ADCK1: variants seen among roughly 807,000 people sequenced by gnomAD.
The protein encoded by ADCK1 is aarF domain containing kinase 1.
ADCK1 carries 41 observed loss-of-function variants against 52.3 expected under a neutral mutation model. That is an observed-to-expected ratio of 0.78 (90% confidence interval 0.61 to 1.02). ADCK1 has a LOEUF of 1.02. Ranked by LOEUF, ADCK1 falls within the 50% of genes least tolerant of loss-of-function variation. The pLI, the probability that ADCK1 is intolerant of heterozygous loss-of-function variation, is 0.00. For missense variants in ADCK1, 658 were observed against 679.5 expected, an observed-to-expected ratio of 0.97 and a Z score of 0.35; for synonymous variants, 250 against 274.6, an observed-to-expected ratio of 0.91 and a Z score of 0.89.
At chr14:77,854,033 G>A (rs1413464225) in intron 3 of ADCK1, among the ~76,000 whole-genome samples, 1 of 152,172 alleles carries the variant, frequency 6.6e-6, no homozygotes, top group African/African-American at 2.4e-5. Context: ...CTTGCCTAAT[G>A]TCAAGTGTCT....
chr14:77,835,038 G>T (rs2081933015), intron 3 of ADCK1, among the ~76,000 whole-genome samples: 1 of 152,190 alleles, frequency 6.6e-6, no homozygotes, highest in Non-Finnish European at 1.5e-5. Flanking sequence ...CTTCGGAGCT[G>T]TTTCCACCTC....
chr14:77,894,368 A>G (rs1268293307), intron 5 of ADCK1, among the ~76,000 whole-genome samples: 3 of 152,100 alleles, frequency 2.0e-5, no homozygotes, highest in Non-Finnish European at 4.4e-5. Context: ...ATGGAACATT[A>G]TTTCTTTTAT....
chr14:77,899,508 A>G (rs1364497973), intron 6 of ADCK1, among the ~76,000 whole-genome samples: 1 of 152,270 alleles, frequency 6.6e-6, no homozygotes, highest in Non-Finnish European at 1.5e-5. Context: ...ATCGACAACT[A>G]CAAGACACTG....
chr14:77,812,340 G>A (rs953423788), intron 1 of ADCK1, among the ~76,000 whole-genome samples: 17 of 152,118 alleles, frequency 1.1e-4, no homozygotes, highest in Non-Finnish European at 1.9e-4. Context: ...GCCTCTAAGA[G>A]TTTGACTTCT....
At chr14:77,847,831 C>A (rs545858588) in intron 3 of ADCK1, among the ~76,000 whole-genome samples, 6 of 152,154 alleles carry the variant, frequency 3.9e-5, no homozygotes, top group Non-Finnish European at 8.8e-5. Flanking sequence ...CCTTCCAGAT[C>A]CCCCTGTGTG....
At chr14:77,826,097 G>A (rs796965873) in intron 3 of ADCK1, among the ~76,000 whole-genome samples, 11 of 152,340 alleles carry the variant, frequency 7.2e-5, no homozygotes, top group African/African-American at 2.6e-4. Flanking sequence ...AATGCAGTAA[G>A]GAAAGTGCAG....
intron 1 of ADCK1, among the ~76,000 whole-genome samples, chr14:77,811,203 G>A (rs191573647): frequency 2.6e-5 from 4 of 152,018 alleles, no homozygotes; most frequent in Admixed American, 6.6e-5. Context: ...CTGGCACTGG[G>A]TGAGGAGATA....
In ADCK1 at chr14:77,894,736, G is replaced by GTTTTTTT; in HGVS notation, c.583-4342_583-4336dup. 2.5e-3 allele frequency among the ~76,000 whole-genome samples: 90 copies of GTTTTTTT among 36,456 alleles called. 11 individuals carry two copies. The highest frequency in any genetic ancestry group is 6.3e-3 in the African/African-American group (84 of 13,268). 23.9% of individuals were successfully genotyped at this position (36,456 alleles called of 152,430 possible). On this transcript the variant is annotated intron_variant, in intron 5 of 10. Transcript: ENST00000238561. The stretch of plus-strand genomic sequence containing the variant: ...TTATTTCTTTTTCTTTTCTTTTCTT[G>GTTTTTTT]TTTTTTTTTTTTTTTTTTTTTTTTT...
At chr14:77,842,287 CAGG>C (rs2082084278) in intron 3 of ADCK1, among the ~76,000 whole-genome samples, 1 of 152,038 alleles carries the variant, frequency 6.6e-6, no homozygotes, top group Non-Finnish European at 1.5e-5. Flanking sequence ...ATGATATTAA[CAGG>C]AGTTCTTTAA....
rs1454116905 is a variant in ADCK1, at chr14:77,933,565, C to T, written c.*174C>T. The T allele has an allele frequency of 8.5e-6, 6 of 704,646 alleles. No individual in the cohort carries two copies. The highest frequency in any genetic ancestry group is 1.2e-5 in the Non-Finnish European group (5 of 429,306). The allele number at this position is 704,646 out of a possible 1,614,324, so 43.6% of individuals were successfully genotyped here. On this transcript the variant is annotated 3_prime_UTR_variant, in exon 11 of 11. Transcript: ENST00000238561. ...CCTCTCCGCACACTGTGGCCCTTGT[C>T]TCAGGGCCCACAAGCTGAACTGTGG...
At chr14:77,931,765 G>A in intron 10 of ADCK1, 54 bp downstream of exon 10, 1 of 1,555,236 alleles carries the variant, frequency 6.4e-7, no homozygotes, top group Non-Finnish European at 8.7e-7. Context: ...CCTGCCCCAG[G>A]GGTCCTGCTT....
intron 7 of ADCK1, among the ~76,000 whole-genome samples, chr14:77,911,078 T>C (rs942234745): frequency 1.3e-5 from 2 of 152,208 alleles, no homozygotes; most frequent in African/African-American, 2.4e-5. Context: ...ATAATAATTA[T>C]AAGCAACTAA....
chr14:77,800,185 C>G lies in ADCK1; in HGVS notation c.-12+15C>G, dbSNP rs2081077120. On this transcript the variant is annotated intron_variant, in intron 1 of 10. Transcript: ENST00000238561. ...CTTCCCTCGGGGTGAGTAGGGGCAG[C>G]TCGCCGGAGGCCGGCGCAGAGCTCG... 1 of 152,340 alleles carries G rather than the reference C, an allele frequency of 6.6e-6. No individual in the cohort carries two copies. Among genetic ancestry groups the G allele is most frequent in the African/African-American group, 2.4e-5 (1 of 41,476 alleles). 9.4% of individuals were successfully genotyped at this position (152,340 alleles called of 1,614,324 possible). A position where few individuals can be genotyped will look rare whatever the true frequency, so the allele number is the denominator to read the frequency against.
At chr14:77,825,884 T>G (rs1285271344) in intron 3 of ADCK1, among the ~76,000 whole-genome samples, 2 of 152,096 alleles carry the variant, frequency 1.3e-5, no homozygotes, top group Non-Finnish European at 2.9e-5. Flanking sequence ...AGCTAACCGG[T>G]GCTATGGGCC....
At chr14:77,864,509 G>C (rs566967701) in intron 4 of ADCK1, among the ~76,000 whole-genome samples, 3 of 152,256 alleles carry the variant, frequency 2.0e-5, no homozygotes, top group Non-Finnish European at 4.4e-5. Context: ...CTTGATGGGA[G>C]GGGGTAAAAG....
At chr14:77,862,605 C>T (rs1389764156) in intron 4 of ADCK1, among the ~76,000 whole-genome samples, 1 of 152,206 alleles carries the variant, frequency 6.6e-6, no homozygotes, top group African/African-American at 2.4e-5. Context: ...GCCCTTGACT[C>T]CATGTTGGAG....
At chr14:77,842,499 CCTTCCTTCCTTCCTT>C (rs1336007079) in intron 3 of ADCK1, among the ~76,000 whole-genome samples, 11 of 136,302 alleles carry the variant, frequency 8.1e-5, no homozygotes, top group African/African-American at 2.6e-4. Flanking sequence ...TTCCTTCCTT[CCTTCCTTCCTTCCTT>C]CATTTCCTCC....
chr14:77,878,874 C>A (rs1464146547), intron 4 of ADCK1, among the ~76,000 whole-genome samples: 1 of 152,104 alleles, frequency 6.6e-6, no homozygotes, highest in Non-Finnish European at 1.5e-5. Context: ...CTGTGGCCTA[C>A]AATTTACAGA....
intron 7 of ADCK1, among the ~76,000 whole-genome samples, chr14:77,916,650 A>G (rs757904156): frequency 6.6e-6 from 1 of 152,154 alleles, no homozygotes; most frequent in Non-Finnish European, 1.5e-5. Flanking sequence ...AGGTTTCACC[A>G]TGTTGCCCAG....
Sources: gnomAD v4.1 joint callset for allele counts (sites outside exome capture counted in the v4.1 genomes callset) on GRCh38, gnomAD v4.1.1 for gene constraint, MANE v1.5 for transcripts, NCBI Gene and HGNC (gene_info 2026-07-23, HGNC 2026-07-21) for gene names.